PHF21B: variants seen among roughly 807,000 people sequenced by gnomAD.
The protein encoded by PHF21B is PHD finger protein 4.
In PHF21B, 22 loss-of-function variants were observed where a neutral mutation model predicts 62.2. The observed-to-expected ratio is 0.35, with a 90% CI of 0.25 to 0.51. The LOEUF is 0.51. Among genes scored for constraint, PHF21B ranks in the 20% least tolerant of loss-of-function variants. The pLI is 0.97. For missense variants in PHF21B, 701 were observed against 707.9 expected (o/e 0.99, Z 0.11); for synonymous variants, 341 against 314.7 (o/e 1.08, Z -0.88).
At chr22:44,902,623 GTTAA>G (rs1176293493) in intron 5 of PHF21B, among the ~76,000 whole-genome samples, 3 of 151,992 alleles carry the variant, frequency 2.0e-5, no homozygotes, top group Admixed American at 6.6e-5. Flanking sequence ...CCAGCTCATG[GTTAA>G]TTCTCTCCAG....
chr22:44,957,447 T>C (rs1036897557), intron 2 of PHF21B, among the ~76,000 whole-genome samples: 38 of 152,364 alleles, frequency 2.5e-4, no homozygotes, highest in African/African-American at 9.1e-4. Context: ...CCTCTGGGGC[T>C]TGCCACTGTC....
chr22:44,885,208 C>G (rs1276819097), intron 12 of PHF21B, among the ~76,000 whole-genome samples: 1 of 152,230 alleles, frequency 6.6e-6, no homozygotes, highest in African/African-American at 2.4e-5. Flanking sequence ...TGCCTGTCCC[C>G]AGGCCCCGGT....
chr22:44,962,964 CT>C (rs2147423624), intron 2 of PHF21B, among the ~76,000 whole-genome samples: 1 of 152,362 alleles, frequency 6.6e-6, no homozygotes, highest in South Asian at 2.1e-4. Flanking sequence ...CTCGTTCTAC[CT>C]TTGCATTACT....
chr22:44,894,780 C>G (rs1056539405), intron 6 of PHF21B, among the ~76,000 whole-genome samples: 1 of 152,128 alleles, frequency 6.6e-6, no homozygotes, highest in African/African-American at 2.4e-5. Flanking sequence ...CAAGTCAGAC[C>G]CAGGGGACAT....
At position 44,936,526 on chromosome 22, in the gene PHF21B, C is replaced by T. The variant is rs2071850971; in HGVS notation, c.121-16036G>A. Among the ~76,000 whole-genome samples the T allele has an allele frequency of 5.9e-5, 9 of 152,318 alleles. No individual in the cohort carries two copies. The South Asian group carries it at 1.9e-3, about 32-fold the overall frequency. ...CACTCGAGACAGGACCGCCTCCTGC[C>T]ATCCGTTACTGGTGAGCCCTTGCAA... On this transcript the variant is annotated intron_variant, in intron 2 of 12. Coordinates refer to ENST00000313237, the MANE Select transcript of PHF21B (RefSeq NM_138415.5).
intron 2 of PHF21B, among the ~76,000 whole-genome samples, chr22:44,967,530 C>CT (rs1368158397): frequency 6.6e-6 from 1 of 152,060 alleles, no homozygotes; most frequent in African/African-American, 2.4e-5. Context: ...CAGTCTTTTA[C>CT]TTTTTAAAAA....
intron 2 of PHF21B, among the ~76,000 whole-genome samples, chr22:44,941,122 C>G (rs886708132): frequency 1.3e-5 from 2 of 152,216 alleles, no homozygotes; most frequent in African/African-American, 4.8e-5. Flanking sequence ...CTCACAATGA[C>G]CATTCCCTTA....
chr22:44,953,788 G>C (rs1262545672), intron 2 of PHF21B, among the ~76,000 whole-genome samples: 4 of 152,182 alleles, frequency 2.6e-5, no homozygotes, highest in African/African-American at 9.7e-5. Context: ...ACATCTTATG[G>C]ATTTTTAGGC....
At chr22:44,930,080 T>C (rs1036783817) in intron 2 of PHF21B, among the ~76,000 whole-genome samples, 1 of 151,018 alleles carries the variant, frequency 6.6e-6, no homozygotes, top group African/African-American at 2.4e-5. Flanking sequence ...TCACCAAGAG[T>C]GTGGAAGACA....
chr22:44,954,947 T>C (rs547195552), intron 2 of PHF21B, among the ~76,000 whole-genome samples: 2 of 152,150 alleles, frequency 1.3e-5, no homozygotes, highest in Admixed American at 6.5e-5. Flanking sequence ...ACGGGTGATG[T>C]TGGGAGCAGG....
intron 2 of PHF21B, among the ~76,000 whole-genome samples, chr22:44,956,560 C>T (rs150692737): frequency 1.3e-5 from 2 of 152,290 alleles, no homozygotes; most frequent in East Asian, 3.9e-4. Context: ...GGCAGAAATA[C>T]TGGGATTTAT....
At chr22:44,914,547 C>T (rs988117572) in intron 4 of PHF21B, among the ~76,000 whole-genome samples, 1 of 152,242 alleles carries the variant, frequency 6.6e-6, no homozygotes, top group Non-Finnish European at 1.5e-5. Context: ...TGAGGCCATC[C>T]AGTCAGGAGG....
At chr22:44,980,579 G>A (rs1379585087) in intron 2 of PHF21B, among the ~76,000 whole-genome samples, 1 of 152,228 alleles carries the variant, frequency 6.6e-6, no homozygotes, top group African/African-American at 2.4e-5. Context: ...GAAAAGGGAT[G>A]AGTGGTACGA....
At chr22:44,927,121 C>A (rs184705263) in intron 2 of PHF21B, among the ~76,000 whole-genome samples, 1 of 152,014 alleles carries the variant, frequency 6.6e-6, no homozygotes, top group East Asian at 1.9e-4. Flanking sequence ...ATGGAGGCGG[C>A]GGAGAGGCAG....
chr22:44,991,295 C>T (rs933361026), intron 2 of PHF21B, among the ~76,000 whole-genome samples: 14 of 152,314 alleles, frequency 9.2e-5, no homozygotes, highest in African/African-American at 2.9e-4. Context: ...GGCCACTCCA[C>T]GGTGCAGTAC....
intron 3 of PHF21B, among the ~76,000 whole-genome samples, chr22:44,919,787 C>T (rs918990501): frequency 1.3e-5 from 2 of 152,242 alleles, no homozygotes; most frequent in African/African-American, 4.8e-5. Flanking sequence ...TGACTCAATA[C>T]TCACAGCCAC....
At chr22:44,926,012 G>A (rs552242957) in intron 2 of PHF21B, among the ~76,000 whole-genome samples, 18 of 66,408 alleles carry the variant, frequency 2.7e-4, no homozygotes, top group African/African-American at 6.5e-4. Flanking sequence ...GCCGCAGGCC[G>A]AGAGTAAGCA....
At chr22:44,982,224 C>T (rs547439737) in intron 2 of PHF21B, among the ~76,000 whole-genome samples, 5 of 152,338 alleles carry the variant, frequency 3.3e-5, no homozygotes, top group Admixed American at 3.3e-4. Context: ...TGCTGCCTAT[C>T]AGCTTCTGTG....
chr22:44,921,688 T>G (rs796350981), intron 2 of PHF21B, among the ~76,000 whole-genome samples: 17 of 147,894 alleles, frequency 1.1e-4, no homozygotes, highest in African/African-American at 4.0e-4. Flanking sequence ...AGATGGAGAC[T>G]CGCTCTGTTG....
Sources: gnomAD v4.1 joint callset for allele counts (sites outside exome capture counted in the v4.1 genomes callset) on GRCh38, gnomAD v4.1.1 for gene constraint, MANE v1.5 for transcripts, NCBI Gene and HGNC (gene_info 2026-07-23, HGNC 2026-07-21) for gene names.